TMEM132D: variants seen among roughly 807,000 people sequenced by gnomAD.
TMEM132D encodes the protein transmembrane protein 132D.
TMEM132D carries 21 observed loss-of-function variants against 62.3 expected under a neutral mutation model. The observed-to-expected ratio is 0.34, with a 90% CI of 0.24 to 0.49. The LOEUF (loss-of-function observed/expected upper bound fraction) is 0.49. Among genes scored for constraint, TMEM132D ranks in the 20% least tolerant of loss-of-function variants. The pLI is 0.99. For synonymous variants in TMEM132D, 621 were observed against 575.6 expected (o/e 1.08, Z -1.13); for missense variants, 1,346 against 1,402.8 (o/e 0.96, Z 0.65).
intron 4 of TMEM132D, among the ~76,000 whole-genome samples, chr12:129,324,959 G>A (rs61943940): frequency 0.18 from 27,677 of 152,164 alleles, 3,419 homozygotes; most frequent in Non-Finnish European, 0.27. Context: ...GTCAGACCCC[G>A]TGCTACGTGT....
chr12:129,694,645 C>T (rs1369747169), intron 2 of TMEM132D, among the ~76,000 whole-genome samples: 1 of 152,184 alleles, frequency 6.6e-6, no homozygotes, highest in African/African-American at 2.4e-5. Context: ...AAACACTGAG[C>T]TGTAACCAAT....
intron 5 of TMEM132D, among the ~76,000 whole-genome samples, chr12:129,163,050 G>A (rs1877445458): frequency 6.6e-6 from 1 of 152,130 alleles, no homozygotes; most frequent in South Asian, 2.1e-4. Flanking sequence ...CACGTCCTGG[G>A]GGTGGATCCC....
intron 1 of TMEM132D, among the ~76,000 whole-genome samples, chr12:129,788,630 G>A (rs563824262): frequency 6.6e-6 from 1 of 152,306 alleles, no homozygotes; most frequent in South Asian, 2.1e-4. Context: ...TTATTTCAGG[G>A]AGGGAGAAAT....
intron 1 of TMEM132D, among the ~76,000 whole-genome samples, chr12:129,895,666 G>C (rs1326403812): frequency 1.3e-5 from 2 of 152,200 alleles, no homozygotes; most frequent in Non-Finnish European, 2.9e-5. Context: ...GGCTATTTAG[G>C]ACAGAGTGTC....
intron 4 of TMEM132D, among the ~76,000 whole-genome samples, chr12:129,256,955 C>T (rs1258274783): frequency 2.0e-5 from 3 of 152,176 alleles, no homozygotes; most frequent in Non-Finnish European, 4.4e-5. Context: ...GCAGATTCTT[C>T]AAGAGCCCAC....
chr12:129,469,277 T>C (rs1314083023), intron 3 of TMEM132D, among the ~76,000 whole-genome samples: 1 of 152,168 alleles, frequency 6.6e-6, no homozygotes, highest in Non-Finnish European at 1.5e-5. Context: ...TCACTCATGG[T>C]AGACATTTCT....
intron 3 of TMEM132D, among the ~76,000 whole-genome samples, chr12:129,388,723 C>T (rs1168806068): frequency 4.3e-5 from 5 of 116,422 alleles, no homozygotes; most frequent in African/African-American, 1.3e-4. Flanking sequence ...AACACTAACA[C>T]TCATCCTAAT....
intron 2 of TMEM132D, among the ~76,000 whole-genome samples, chr12:129,617,997 A>C (rs7302295): frequency 6.6e-6 from 1 of 152,106 alleles, no homozygotes; most frequent in Non-Finnish European, 1.5e-5. Context: ...CGACATCGGC[A>C]CTTCACTTGC....
chr12:129,817,682 G>C (rs537692883), intron 1 of TMEM132D, among the ~76,000 whole-genome samples: 2 of 143,014 alleles, frequency 1.4e-5, no homozygotes, highest in Non-Finnish European at 3.1e-5. Context: ...ATGTGTGGGG[G>C]GTGTGTATGT....
chr12:129,619,088 C>A (rs757228716), intron 2 of TMEM132D, among the ~76,000 whole-genome samples: 8 of 152,070 alleles, frequency 5.3e-5, no homozygotes, highest in African/African-American at 1.9e-4. Flanking sequence ...TAGAGAGAAT[C>A]GATTGTAAAT....
At chr12:129,236,066 CTTAAG>C (rs959837424) in intron 4 of TMEM132D, among the ~76,000 whole-genome samples, 5 of 149,018 alleles carry the variant, frequency 3.4e-5, no homozygotes, top group African/African-American at 1.2e-4. Flanking sequence ...TTTTCAACTC[CTTAAG>C]TTTATTCCAA....
intron 2 of TMEM132D, among the ~76,000 whole-genome samples, chr12:129,598,876 T>G (rs1019176844): frequency 3.3e-5 from 5 of 152,228 alleles, no homozygotes; most frequent in Admixed American, 3.3e-4. Context: ...GATTCTATTC[T>G]AAGCTGAGAT....
At chr12:129,791,582 A>C (rs931750374) in intron 1 of TMEM132D, among the ~76,000 whole-genome samples, 1 of 152,106 alleles carries the variant, frequency 6.6e-6, no homozygotes, top group Non-Finnish European at 1.5e-5. Context: ...TATGCAAGAG[A>C]CATATTTTAA....
chr12:129,180,538 C>T (rs1878036631), intron 5 of TMEM132D, among the ~76,000 whole-genome samples: 1 of 152,208 alleles, frequency 6.6e-6, no homozygotes, highest in Admixed American at 6.5e-5. Flanking sequence ...ACGAGACAGA[C>T]ACAGTCCTTG....
chr12:129,099,672 G>A (rs1350100730), intron 5 of TMEM132D, among the ~76,000 whole-genome samples: 2 of 152,314 alleles, frequency 1.3e-5, no homozygotes, highest in African/African-American at 2.4e-5. Flanking sequence ...GAAAATGAAG[G>A]AACACAGGAA....
At chr12:129,289,361 T>C (rs1046208481) in intron 4 of TMEM132D, among the ~76,000 whole-genome samples, 4 of 151,862 alleles carry the variant, frequency 2.6e-5, no homozygotes, top group African/African-American at 7.2e-5. Flanking sequence ...CTGGCCAACG[T>C]GGTGAAACTC....
intron 1 of TMEM132D, among the ~76,000 whole-genome samples, chr12:129,747,314 A>G (rs1565971694): frequency 6.8e-6 from 1 of 147,176 alleles, no homozygotes; most frequent in Non-Finnish European, 1.5e-5. Flanking sequence ...TTTGATGTCC[A>G]CATAGCTCAT....
chr12:129,837,189 G>A (rs1222594187), intron 1 of TMEM132D, among the ~76,000 whole-genome samples: 1 of 152,142 alleles, frequency 6.6e-6, no homozygotes, highest in Non-Finnish European at 1.5e-5. Flanking sequence ...TTTTTTTATA[G>A]ATGCTGCTTG....
intron 4 of TMEM132D, among the ~76,000 whole-genome samples, chr12:129,264,562 A>G (rs2135597119): frequency 6.6e-6 from 1 of 152,300 alleles, no homozygotes; most frequent in East Asian, 1.9e-4. Flanking sequence ...CAAACCCACT[A>G]CTGAGTATCT....
Sources: gnomAD v4.1 joint callset for allele counts (sites outside exome capture counted in the v4.1 genomes callset) on GRCh38, gnomAD v4.1.1 for gene constraint, MANE v1.5 for transcripts, NCBI Gene and HGNC (gene_info 2026-07-23, HGNC 2026-07-21) for gene names.